TBKBP1: variants seen among roughly 807,000 people sequenced by gnomAD.
TBKBP1 encodes the protein TANK-binding kinase 1-binding protein 1.
A neutral mutation model predicts 69.9 loss-of-function variants in TBKBP1; 47 were observed. The ratio of observed to expected loss-of-function variants is 0.67; its 90% CI spans 0.53 to 0.86. The LOEUF is 0.86. Among genes scored for constraint, TBKBP1 ranks in the 40% least tolerant of loss-of-function variants. The probability of loss-of-function intolerance (pLI) is 0.00; values close to 1 mark genes in which losing one functional copy is unlikely to be tolerated. For missense variants in TBKBP1, 831 were observed against 858.6 expected (o/e 0.97, Z 0.40); for synonymous variants, 418 against 390.3 (o/e 1.07, Z -0.84).
chr17:47,706,373 G>A (rs1270916984), intron 7 of TBKBP1, among the ~76,000 whole-genome samples: 3 of 152,156 alleles, frequency 2.0e-5, no homozygotes, highest in South Asian at 4.1e-4. Flanking sequence ...CCAATTTGAC[G>A]TGGGACACAC....
intron 7 of TBKBP1, among the ~76,000 whole-genome samples, chr17:47,702,324 G>A (rs981718213): frequency 6.6e-6 from 1 of 152,078 alleles, no homozygotes; most frequent in Non-Finnish European, 1.5e-5. Context: ...GGGTGTGATT[G>A]GGGTGAGGAG....
intron 9 of TBKBP1, 64 bp from the exon 10 acceptor site, chr17:47,710,434 G>A (rs1319027301): frequency 2.5e-6 from 4 of 1,570,088 alleles, no homozygotes; most frequent in Non-Finnish European, 2.6e-6. Flanking sequence ...GACAGGGCAG[G>A]CTGGGATGTG....
rs1295653104 is a variant in TBKBP1 at position 47,696,087 on chromosome 17, G to C, written c.-26G>C. The C allele has an allele frequency of 4.4e-6, 7 of 1,582,452 alleles. No homozygotes were observed. The highest frequency in any genetic ancestry group is 6.0e-6 in the Non-Finnish European group (7 of 1,164,494). On this transcript the variant is annotated 5_prime_UTR_variant, in exon 2 of 10. Coordinates refer to ENST00000578982, the MANE Select transcript of TBKBP1 (RefSeq NM_001394755.1). ...TGCTCCTGCTCTCCTAGGAGGCCCC[G>C]TGTGGGCCGCGGCCCGGCCCTCACC...
In TBKBP1 at chr17:47,709,328, C is replaced by A. The variant is rs918309288; in HGVS notation, c.1595C>A (p.Pro532Gln). Residue 532 changes from proline (P) to glutamine (Q), a missense_variant, in exon 9 of 10, where the codon CCG becomes CAG. Coordinates refer to ENST00000578982, the MANE Select transcript of TBKBP1 (RefSeq NM_001394755.1). ...GACGAGTGGGCTGTGCCCACCAGCCCGCCCAGCCCGGAGGTGGGCACCATC... is the reference window on the plus strand; with the variant it reads ...GACGAGTGGGCTGTGCCCACCAGCCAGCCCAGCCCGGAGGTGGGCACCATC... The part of the protein sequence containing the change: ...EEDEWAVPTS[P>Q]PSPEVGTIRC... The A allele has an allele frequency of 3.9e-6, 6 of 1,526,188 alleles. No individual in the cohort carries two copies. Among genetic ancestry groups the A allele is most frequent in the Non-Finnish European group, 5.3e-6 (6 of 1,142,684 alleles). 94.5% of individuals were successfully genotyped at this position (1,526,188 alleles called of 1,614,324 possible).
intron 4 of TBKBP1, among the ~76,000 whole-genome samples, chr17:47,698,146 T>C (rs964099874): frequency 6.6e-6 from 1 of 152,110 alleles, no homozygotes; most frequent in African/African-American, 2.4e-5. Flanking sequence ...GATATTTATG[T>C]GGCACTCGGG....
At chr17:47,707,851 A>G (rs949924704) in intron 7 of TBKBP1, among the ~76,000 whole-genome samples, 3 of 152,212 alleles carry the variant, frequency 2.0e-5, no homozygotes, top group Admixed American at 2.0e-4. Flanking sequence ...GAGCTATTCT[A>G]TGCAGCAGGG....
intron 7 of TBKBP1, among the ~76,000 whole-genome samples, chr17:47,701,086 C>T (rs989961123): frequency 1.3e-5 from 2 of 152,148 alleles, no homozygotes; most frequent in Admixed American, 6.5e-5. Flanking sequence ...TCCGGGGCTC[C>T]GGAGGTCTCC....
rs568585624 is a variant in TBKBP1 at position 47,694,421 on chromosome 17, G to A, written c.-35+227G>A. On this transcript the variant is annotated intron_variant, in intron 1 of 9. Coordinates refer to ENST00000578982, the MANE Select transcript of TBKBP1 (RefSeq NM_001394755.1). ...CGGAGCCCCTTCCCCGGCCCCGAGA[G>A]GGTGTCCGGGGGCCCAGGGCTCGGC... Among the ~76,000 whole-genome samples the A allele has an allele frequency of 4.1e-4, 62 of 152,042 alleles. No homozygotes were observed. In the South Asian group the frequency reaches 0.012, roughly 30 times the overall value.
chr17:47,694,426 TC>T (rs1463194527), intron 1 of TBKBP1, among the ~76,000 whole-genome samples: 3 of 150,868 alleles, frequency 2.0e-5, no homozygotes, highest in African/African-American at 7.3e-5. Context: ...CGAGAGGGTG[TC>T]CGGGGGCCCA....
rs989955605 is a variant in TBKBP1 at position 47,709,295 on chromosome 17, C to T, written c.1562C>T (p.Ser521Leu). ...GIRLRFEKQP[S>L]EEDEWAVPTS... ...CGGCTGCGCTTCGAGAAGCAGCCGT[C>T]GGAGGAGGACGAGTGGGCTGTGCCC... Residue 521 changes from serine (S) to leucine (L), a missense_variant, in exon 9 of 10, where the codon TCG becomes TTG. Physicochemically the swap from Ser to Leu is moderately radical, Grantham distance 145. Coordinates refer to ENST00000578982, the MANE Select transcript of TBKBP1 (RefSeq NM_001394755.1). 96 of 1,528,120 alleles carry T rather than the reference C, an allele frequency of 6.3e-5. No homozygotes were observed. Among genetic ancestry groups the T allele is most frequent in the South Asian group, 4.1e-4 (34 of 82,846 alleles). The allele number at this position is 1,528,120 out of a possible 1,614,324, so 94.7% of individuals were successfully genotyped here.
intron 5 of TBKBP1, 53 bp from the exon 6 acceptor site, chr17:47,699,267 G>A: frequency 6.9e-7 from 1 of 1,452,322 alleles, no homozygotes; most frequent in Non-Finnish European, 9.0e-7. Flanking sequence ...CTCTGGCTCT[G>A]GGAGCTGGAG....
intron 7 of TBKBP1, 125 bp downstream of exon 7, chr17:47,699,822 T>TTA: frequency 3.7e-6 from 4 of 1,095,498 alleles, no homozygotes; most frequent in Non-Finnish European, 5.3e-6. Context: ...GGAGGTGGGG[T>TTA]TCTTTTTTTT....
At position 47,708,337 on chromosome 17, in the gene TBKBP1, A is replaced by G; in HGVS notation, c.873-57A>G. ...GGGGTAGAGCCAGTTCTTCCTCCAC[A>G]GCTGGGACGGTAGACCCACTGCCCT... On this transcript the variant is annotated intron_variant, in intron 7 of 9. Transcript: ENST00000578982. This position sits in a 1 kb window ranked among gnomAD's most constrained non-coding sequence, Gnocchi z 4.4. The G allele has an allele frequency of 6.3e-7, 1 of 1,584,376 alleles. No individual in the cohort carries two copies. Among genetic ancestry groups the G allele is most frequent in the Non-Finnish European group, 8.7e-7 (1 of 1,155,684 alleles).
intron 1 of TBKBP1, 89 bp from the exon 2 acceptor site, chr17:47,695,990 G>A (rs890953545): frequency 4.2e-5 from 31 of 731,058 alleles, no homozygotes; most frequent in Middle Eastern, 4.0e-4. Context: ...CATCTTAGCC[G>A]GCCCCAGGGA....
In TBKBP1 at chr17:47,710,678, A is replaced by G. The variant is rs2031894833; in HGVS notation, c.*52A>G. 1 of 1,568,840 alleles carries G rather than the reference A, an allele frequency of 6.4e-7. No homozygotes were observed. The highest frequency in any genetic ancestry group is 8.7e-7 in the Non-Finnish European group (1 of 1,147,594). ...TCTCCGTCCTCTCCTATCACCCCCA[A>G]ACACTCACTTTGAATGCTGCATGAA... On this transcript the variant is annotated 3_prime_UTR_variant, in exon 10 of 10. Coordinates refer to ENST00000578982, the MANE Select transcript of TBKBP1 (RefSeq NM_001394755.1).
intron 1 of TBKBP1, 192 bp from the exon 2 acceptor site, chr17:47,695,887 T>C (rs924889032): frequency 8.5e-6 from 4 of 469,690 alleles, no homozygotes; most frequent in Non-Finnish European, 1.5e-5. Context: ...TCCAGCCCCT[T>C]TTCCCCAAGG....
At chr17:47,695,998 G>A (rs762280238) in intron 1 of TBKBP1, 81 bp from the exon 2 acceptor site, 123 of 781,790 alleles carry the variant, frequency 1.6e-4, no homozygotes, top group Middle Eastern at 7.5e-4. Flanking sequence ...CCGGCCCCAG[G>A]GAGTGCAGAG....
rs1189553757 is a variant in TBKBP1 at position 47,710,684 on chromosome 17, C to T, written c.*58C>T. 1.4e-4 allele frequency: 215 copies of T among 1,563,690 alleles called. No homozygotes were observed. The highest frequency in any genetic ancestry group is 1.8e-4 in the Non-Finnish European group (206 of 1,145,096). ...TCCTCTCCTATCACCCCCAAACACT[C>T]ACTTTGAATGCTGCATGAATCTCGT... On this transcript the variant is annotated 3_prime_UTR_variant, in exon 10 of 10. Coordinates refer to ENST00000578982, the MANE Select transcript of TBKBP1 (RefSeq NM_001394755.1).
Position 47,699,636 on chromosome 17 carries a change from G to T in TBKBP1, c.811G>T (p.Asp271Tyr), listed in dbSNP as rs751494031. The change falls in exon 7 of 10, where the codon GAT becomes TAT. Residue 271 changes from aspartate (D) to tyrosine (Y), a missense_variant and splice_region_variant. Coordinates refer to ENST00000578982, the MANE Select transcript of TBKBP1 (RefSeq NM_001394755.1). ...LKQLQETRAQ[D>Y]LASNQSERDM... is the part of the protein sequence containing the mutation. ...CTGACCTCTTCATCTTCTTCCTTAG[G>T]ATCTGGCCTCCAACCAGTCGGAGCG... is the stretch of plus-strand genomic sequence containing the variant. The T allele has an allele frequency of 1.2e-6, 2 of 1,613,854 alleles. No individual in the cohort carries two copies. The highest frequency in any genetic ancestry group is 2.7e-5 in the African/African-American group (2 of 74,910).
Sources: gnomAD v4.1 joint callset for allele counts (sites outside exome capture counted in the v4.1 genomes callset) on GRCh38, gnomAD v4.1.1 for gene constraint, Gnocchi (gnomAD v3.1) non-coding constraint, MANE v1.5 for transcripts, NCBI Gene and HGNC (gene_info 2026-07-23, HGNC 2026-07-21) for gene names.